Variants in PRIM2 observed in about 807,000 individuals in gnomAD.
The protein encoded by PRIM2 is DNA primase large subunit.
Under a neutral mutation model 67.3 loss-of-function variants are expected in PRIM2, and 39 were observed. That is an observed-to-expected ratio of 0.58 (90% confidence interval 0.45 to 0.76). The LOEUF (loss-of-function observed/expected upper bound fraction) is 0.76. PRIM2 is among the 30% of genes least tolerant of loss of function. PRIM2 has a pLI of 0.00. For missense variants in PRIM2, 398 were observed against 598.7 expected, an observed-to-expected ratio of 0.66 and a Z score of 3.50; for synonymous variants, 143 against 198.7, an observed-to-expected ratio of 0.72 and a Z score of 2.36.
rs1767552806 is a variant in PRIM2 at position 57,318,604 on chromosome 6, G to A, written c.154+5G>A. ...TGGCTATTGATAGAGTTAAATGTAA[G>A]TACTATTTAAATTAGAATGTATATA... On this transcript the variant is annotated splice_donor_5th_base_variant and intron_variant, in intron 2 of 13. Transcript: ENST00000615550. The A allele has an allele frequency of 6.5e-7, 1 of 1,539,338 alleles. No individual in the cohort carries two copies. Among genetic ancestry groups the A allele is most frequent in the Non-Finnish European group, 8.8e-7 (1 of 1,134,362 alleles).
intron 7 of PRIM2, among the ~76,000 whole-genome samples, chr6:57,439,091 G>A (rs1398582500): frequency 6.6e-6 from 1 of 152,142 alleles, no homozygotes; most frequent in African/African-American, 2.4e-5. Flanking sequence ...GAGTTCAGCA[G>A]TCATAACTTG....
intron 8 of PRIM2, among the ~76,000 whole-genome samples, chr6:57,509,050 T>C (rs1471005939): frequency 1.3e-5 from 2 of 151,958 alleles, no homozygotes; most frequent in African/African-American, 4.8e-5. Context: ...AAAGTTTTAG[T>C]TTTAGTTTTC....
intron 7 of PRIM2, among the ~76,000 whole-genome samples, chr6:57,438,118 T>A (rs1178666798): frequency 6.6e-6 from 1 of 152,214 alleles, no homozygotes; most frequent in East Asian, 1.9e-4. Context: ...TCGTCTTTTG[T>A]TTAAAAGAAT....
the PRIM2 span, among the ~76,000 whole-genome samples, chr6:57,285,735 A>G: frequency 1.2e-4 from 19 of 152,326 alleles, no homozygotes; most frequent in African/African-American, 4.6e-4. Context: ...CTCATATTCA[A>G]CATAGTATTG....
At chr6:57,334,157 A>C (rs886304248) in intron 5 of PRIM2, among the ~76,000 whole-genome samples, 7 of 152,164 alleles carry the variant, frequency 4.6e-5, no homozygotes, top group Admixed American at 4.6e-4. Context: ...TGAGATCATG[A>C]CATATTTGTC....
chr6:57,539,839 C>T (rs1269903282), intron 10 of PRIM2, among the ~76,000 whole-genome samples: 1 of 151,862 alleles, frequency 6.6e-6, no homozygotes, highest in African/African-American at 2.4e-5. Context: ...ACTAAAACTA[C>T]AAAAATTAAC....
At chr6:57,269,832 T>A in the PRIM2 span, among the ~76,000 whole-genome samples, 1 of 152,138 alleles carries the variant, frequency 6.6e-6, no homozygotes. Context: ...GGGATCCAGT[T>A]TCAACTTTCT....
chr6:57,223,106 C>T, the PRIM2 span, among the ~76,000 whole-genome samples: 1 of 152,144 alleles, frequency 6.6e-6, no homozygotes, highest in African/African-American at 2.4e-5. Flanking sequence ...TAATGAAACA[C>T]TATACAGCAA....
In PRIM2 at chr6:57,334,308, C is replaced by G. The variant is rs551158196; in HGVS notation, c.459+8263C>G. Among the ~76,000 whole-genome samples, 6 of 152,094 alleles carry G rather than the reference C, an allele frequency of 3.9e-5. No homozygotes were observed. The South Asian group carries it at 1.2e-3, about 32-fold the overall frequency. On this transcript the variant is annotated intron_variant, in intron 5 of 13. Transcript: ENST00000615550. ...ATTGCATTTAAAAAAATCCATGTAT[C>G]TATCGGTGGACACTTAGGTTGATTC...
At position 57,570,941 on chromosome 6, in the gene PRIM2, A is replaced by G. The variant is rs1166774001; in HGVS notation, c.1021-30152A>G. 2.0e-5 allele frequency among the ~76,000 whole-genome samples: 3 copies of G among 151,940 alleles called. No individual in the cohort carries two copies. In the East Asian group the frequency reaches 5.8e-4, roughly 29 times the overall value. ...CCATGAAATTGGTGTCATCCCTATA[A>G]TTTTTTTGCCAGCAAGATATGCACA... On this transcript the variant is annotated intron_variant, in intron 10 of 13. Coordinates refer to ENST00000615550, the MANE Select transcript of PRIM2 (RefSeq NM_000947.5).
intron 8 of PRIM2, among the ~76,000 whole-genome samples, chr6:57,516,379 C>A (rs1554348269): frequency 6.6e-6 from 1 of 152,078 alleles, no homozygotes; most frequent in Non-Finnish European, 1.5e-5. Context: ...TATCACTTTT[C>A]ATCAATTTTA....
chr6:57,400,829 T>C (rs1164075532), intron 7 of PRIM2, among the ~76,000 whole-genome samples: 12 of 152,234 alleles, frequency 7.9e-5, no homozygotes, highest in Non-Finnish European at 1.8e-4. Flanking sequence ...TGCTTTATTT[T>C]TGTCTGACTG....
At chr6:57,277,808 A>G in the PRIM2 span, among the ~76,000 whole-genome samples, 4 of 151,488 alleles carry the variant, frequency 2.6e-5, no homozygotes, top group South Asian at 4.2e-4. Flanking sequence ...GTGAAACCCC[A>G]TCTCTACTAA....
chr6:57,345,154 C>T (rs1768628095), intron 5 of PRIM2, among the ~76,000 whole-genome samples: 1 of 144,854 alleles, frequency 6.9e-6, no homozygotes, highest in Non-Finnish European at 1.5e-5. Context: ...ATATCTATTT[C>T]AATTTTATTA....
intron 10 of PRIM2, among the ~76,000 whole-genome samples, chr6:57,555,288 T>A (rs1405157495): frequency 6.6e-6 from 1 of 152,066 alleles, no homozygotes; most frequent in Non-Finnish European, 1.5e-5. Flanking sequence ...TTGTATCTAT[T>A]TATTTATTTG....
At chr6:57,274,457 G>A in the PRIM2 span, among the ~76,000 whole-genome samples, 84 of 152,322 alleles carry the variant, frequency 5.5e-4, no homozygotes, top group South Asian at 1.0e-3. Context: ...CTGGTGTACC[G>A]TTTTTTAAAC....
At chr6:57,359,170 G>A (rs1769120651) in intron 5 of PRIM2, among the ~76,000 whole-genome samples, 1 of 152,256 alleles carries the variant, frequency 6.6e-6, no homozygotes, top group Non-Finnish European at 1.5e-5. Context: ...CAGTGACAGA[G>A]TACCAGTGTC....
chr6:57,520,955 A>G (rs1774606711), intron 8 of PRIM2, among the ~76,000 whole-genome samples: 2 of 152,214 alleles, frequency 1.3e-5, no homozygotes, highest in Non-Finnish European at 2.9e-5. Context: ...TCTCCCAGTT[A>G]TAAAGAAAAA....
chr6:57,405,247 G>A, intron 7 of PRIM2, among the ~76,000 whole-genome samples: 1 of 152,294 alleles, frequency 6.6e-6, no homozygotes, highest in Non-Finnish European at 1.5e-5. Flanking sequence ...AAAGAAAGAT[G>A]CATCACCTGT....
Sources: gnomAD v4.1 joint callset for allele counts (sites outside exome capture counted in the v4.1 genomes callset) on GRCh38, gnomAD v4.1.1 for gene constraint, MANE v1.5 for transcripts, NCBI Gene and HGNC (gene_info 2026-07-23, HGNC 2026-07-21) for gene names.